The following SORCS3 variants were observed in gnomAD, a reference collection of about 807,000 sequenced individuals.
The protein encoded by SORCS3 is sortilin related VPS10 domain containing receptor 3, also known as VPS10 domain-containing receptor SorCS3.
In SORCS3, 57 loss-of-function variants were observed where a neutral mutation model predicts 146.3. The ratio of observed to expected loss-of-function variants is 0.39; its 90% CI spans 0.31 to 0.49. The LOEUF is 0.49. SORCS3 is among the 20% of genes least tolerant of loss of function. The pLI, the probability that SORCS3 is intolerant of heterozygous loss-of-function variation, is 0.92. For missense variants in SORCS3, 1,341 were observed against 1,575.5 expected, an observed-to-expected ratio of 0.85 and a Z score of 2.52; for synonymous variants, 653 against 618.5, an observed-to-expected ratio of 1.06 and a Z score of -0.83.
intron 2 of SORCS3, among the ~76,000 whole-genome samples, chr10:104,895,304 G>A (rs1379960860): frequency 6.6e-6 from 1 of 152,180 alleles, no homozygotes; most frequent in Non-Finnish European, 1.5e-5. Flanking sequence ...TCTGAAAGTA[G>A]AGGGTAGACA....
chr10:104,713,917 A>T (rs2016447758), intron 1 of SORCS3, among the ~76,000 whole-genome samples: 1 of 152,008 alleles, frequency 6.6e-6, no homozygotes, highest in Non-Finnish European at 1.5e-5. Flanking sequence ...TTTATTATTG[A>T]CTCAATTTCT....
At position 105,092,608 on chromosome 10, in the gene SORCS3, A is replaced by AACACACACACACACACAC. The variant is rs61665816; in HGVS notation, c.1093+2783_1093+2800dup. Among the ~76,000 whole-genome samples, 302 of 147,366 alleles carry AACACACACACACACACAC rather than the reference A, an allele frequency of 2.0e-3. 2 individuals carry two copies. The highest frequency in any genetic ancestry group is 3.1e-3 in the Non-Finnish European group (206 of 66,594). ...GCTCCCTCACACTTGTGCATTCACA[A>AACACACACACACACACAC]ACACACACACACACACACACACACA... On this transcript the variant is annotated intron_variant, in intron 6 of 26. Transcript: ENST00000369701.
chr10:105,184,930 A>C (rs1304159570), intron 14 of SORCS3, among the ~76,000 whole-genome samples: 1 of 152,178 alleles, frequency 6.6e-6, no homozygotes, highest in Non-Finnish European at 1.5e-5. Flanking sequence ...CTCATCTTGC[A>C]TAATTGGAAC....
At chr10:105,244,874 G>C (rs1589707995) in intron 20 of SORCS3, among the ~76,000 whole-genome samples, 1 of 152,084 alleles carries the variant, frequency 6.6e-6, no homozygotes, top group Non-Finnish European at 1.5e-5. Flanking sequence ...TTCAAGATCA[G>C]CCTGGGCAAC....
Position 105,134,483 on chromosome 10 carries a change from C to G in SORCS3, c.1213-4914C>G, listed in dbSNP as rs1198115418. 2.0e-5 allele frequency among the ~76,000 whole-genome samples: 3 copies of G among 151,292 alleles called. No individual in the cohort carries two copies. The South Asian group carries it at 6.3e-4, about 32-fold the overall frequency. On this transcript the variant is annotated intron_variant, in intron 7 of 26. Transcript: ENST00000369701. ...GCATGTTAGATATCTAGTGAAGGCCCGGTGTCTGCTTCCAAGATAATGCCT... is the reference window on the plus strand; with the variant it reads ...GCATGTTAGATATCTAGTGAAGGCCGGGTGTCTGCTTCCAAGATAATGCCT...
intron 4 of SORCS3, among the ~76,000 whole-genome samples, chr10:105,013,642 T>C (rs980589873): frequency 6.6e-6 from 1 of 152,138 alleles, no homozygotes; most frequent in African/African-American, 2.4e-5. Flanking sequence ...AAGGTTTTTA[T>C]TGAAAAAATC....
chr10:104,731,600 G>A (rs1564670233), intron 1 of SORCS3, among the ~76,000 whole-genome samples: 1 of 152,104 alleles, frequency 6.6e-6, no homozygotes, highest in Non-Finnish European at 1.5e-5. Context: ...GGATCACACT[G>A]CCTTGCCCAC....
At chr10:105,180,071 A>T (rs914702634) in intron 14 of SORCS3, among the ~76,000 whole-genome samples, 2 of 152,222 alleles carry the variant, frequency 1.3e-5, no homozygotes, top group African/African-American at 4.8e-5. Context: ...GAGAGCTTCT[A>T]ATATATATCA....
At chr10:104,657,638 C>A (rs1213517384) in intron 1 of SORCS3, among the ~76,000 whole-genome samples, 1 of 152,208 alleles carries the variant, frequency 6.6e-6, no homozygotes, top group Non-Finnish European at 1.5e-5. Context: ...CCTTCTCACT[C>A]TCCTTCTGGC....
chr10:104,981,809 T>G (rs984132262), intron 4 of SORCS3, among the ~76,000 whole-genome samples: 6 of 152,158 alleles, frequency 3.9e-5, no homozygotes, highest in Non-Finnish European at 1.5e-5. Flanking sequence ...AGCTATTTTT[T>G]TTCTGCGTGA....
intron 20 of SORCS3, among the ~76,000 whole-genome samples, chr10:105,234,417 G>C (rs11192371): frequency 0.066 from 9,998 of 151,680 alleles, 411 homozygotes; most frequent in Middle Eastern, 0.16. Context: ...CTGTGGTTTG[G>C]TGTCTGACAT....
intron 22 of SORCS3, among the ~76,000 whole-genome samples, chr10:105,247,705 G>A (rs531875967): frequency 4.6e-5 from 7 of 152,076 alleles, no homozygotes; most frequent in South Asian, 2.1e-4. Context: ...CTGAGATTGC[G>A]CCATTGCACT....
At chr10:105,213,329 T>G (rs1044791835) in intron 17 of SORCS3, among the ~76,000 whole-genome samples, 1 of 152,208 alleles carries the variant, frequency 6.6e-6, no homozygotes, top group African/African-American at 2.4e-5. Context: ...GGAAGACTAA[T>G]ATCTTTCAAA....
At chr10:104,797,949 A>G (rs1237176029) in intron 1 of SORCS3, among the ~76,000 whole-genome samples, 1 of 152,206 alleles carries the variant, frequency 6.6e-6, no homozygotes, top group Non-Finnish European at 1.5e-5. Context: ...AGCATTTTTG[A>G]GAGTGAGGCC....
At chr10:104,970,628 A>G (rs1193764114) in intron 3 of SORCS3, among the ~76,000 whole-genome samples, 1 of 152,126 alleles carries the variant, frequency 6.6e-6, no homozygotes, top group Non-Finnish European at 1.5e-5. Context: ...CATTATTCAC[A>G]CATGAGTGAA....
intron 1 of SORCS3, among the ~76,000 whole-genome samples, chr10:104,725,331 G>A (rs535995503): frequency 4.6e-5 from 7 of 152,284 alleles, no homozygotes; most frequent in African/African-American, 7.2e-5. Flanking sequence ...GATCATTCCT[G>A]TGGAAGTTTT....
intron 3 of SORCS3, among the ~76,000 whole-genome samples, chr10:104,936,091 A>G (rs1271072835): frequency 7.3e-6 from 1 of 137,924 alleles, no homozygotes; most frequent in Non-Finnish European, 1.5e-5. Flanking sequence ...AGCAAAAAAT[A>G]TTTTTTGCCA....
intron 1 of SORCS3, among the ~76,000 whole-genome samples, chr10:104,746,016 T>C (rs1022040957): frequency 6.6e-6 from 1 of 152,176 alleles, no homozygotes; most frequent in Non-Finnish European, 1.5e-5. Flanking sequence ...ATCAAAAGGA[T>C]AAGTACATAC....
Position 105,211,231 on chromosome 10 carries a change from A to G in SORCS3, c.2356A>G (p.Ser786Gly). 1 of 1,613,964 alleles carries G rather than the reference A, an allele frequency of 6.2e-7. No homozygotes were observed. Among genetic ancestry groups the G allele is most frequent in the Non-Finnish European group, 8.5e-7 (1 of 1,179,864 alleles). ...ATCAAAGGACTGCAGCCTTGGTCAA[A>G]GCTACCTTAACAGCACTGGGTAAGT... is the stretch of plus-strand genomic sequence containing the variant. ...SPSKDCSLGQ[S>G]YLNSTGYRRI... is the part of the protein sequence containing the mutation. The change falls in exon 17 of 27, where the codon AGC becomes GGC. Residue 786 changes from serine to glycine, a missense_variant. Physicochemically the swap from Ser to Gly is moderately conservative, Grantham distance 56. Coordinates refer to ENST00000369701, the MANE Select transcript of SORCS3 (RefSeq NM_014978.3).
Sources: allele counts gnomAD v4.1 joint callset (sites outside exome capture counted in the v4.1 genomes callset), GRCh38; gene constraint gnomAD v4.1.1; transcripts MANE v1.5; gene names NCBI Gene and HGNC (gene_info 2026-07-23, HGNC 2026-07-21).